The following CACNA2D1 variants were observed in gnomAD, a reference collection of about 807,000 sequenced individuals.
CACNA2D1 encodes the protein calcium voltage-gated channel auxiliary subunit alpha2delta 1, also known as voltage-dependent calcium channel subunit alpha-2/delta-1.
In CACNA2D1, 53 loss-of-function variants were observed where a neutral mutation model predicts 171.5. The observed-to-expected ratio is 0.31, with a 90% confidence interval of 0.25 to 0.39. The LOEUF (loss-of-function observed/expected upper bound fraction) is 0.39, where lower values mean the gene tolerates loss of function less well. CACNA2D1 is among the 10% of genes least tolerant of loss of function. The pLI is 1.00. For synonymous variants in CACNA2D1, 442 were observed against 443.1 expected (o/e 1.00, Z 0.03); for missense variants, 903 against 1,299.8 (o/e 0.69, Z 4.69).
intron 38 of CACNA2D1, among the ~76,000 whole-genome samples, chr7:81,955,775 A>G (rs946559332): frequency 6.6e-6 from 1 of 151,506 alleles, no homozygotes; most frequent in Non-Finnish European, 1.5e-5. Context: ...TTATGCAAAC[A>G]CAATTTATAA....
chr7:82,422,019 C>T (rs2129457384), intron 1 of CACNA2D1, among the ~76,000 whole-genome samples: 1 of 152,164 alleles, frequency 6.6e-6, no homozygotes, highest in Admixed American at 6.5e-5. Flanking sequence ...AAGCTGTTCA[C>T]AAAGAAGAGA....
intron 3 of CACNA2D1, among the ~76,000 whole-genome samples, chr7:82,306,756 A>C (rs1813786357): frequency 6.6e-6 from 1 of 152,182 alleles, no homozygotes; most frequent in South Asian, 2.1e-4. Flanking sequence ...GGACTTTCCA[A>C]GTAAAAGGCT....
chr7:82,026,408 T>C (rs765240656), intron 12 of CACNA2D1, among the ~76,000 whole-genome samples: 5 of 151,770 alleles, frequency 3.3e-5, no homozygotes, highest in African/African-American at 4.8e-5. Context: ...TGTGAACTTA[T>C]TTAAAAAAAG....
intron 3 of CACNA2D1, among the ~76,000 whole-genome samples, chr7:82,178,774 C>T (rs1055372719): frequency 2.6e-5 from 4 of 152,100 alleles, no homozygotes; most frequent in African/African-American, 9.7e-5. Context: ...TAACCTCATG[C>T]TATCATGGCC....
intron 18 of CACNA2D1, among the ~76,000 whole-genome samples, chr7:82,004,769 C>T (rs1358883503): frequency 6.6e-6 from 1 of 152,044 alleles, no homozygotes; most frequent in Non-Finnish European, 1.5e-5. Flanking sequence ...TGAAACAGTT[C>T]ATGAAGAGTG....
intron 24 of CACNA2D1, among the ~76,000 whole-genome samples, chr7:81,976,659 C>T (rs1186469491): frequency 6.6e-6 from 1 of 152,024 alleles, no homozygotes; most frequent in African/African-American, 2.4e-5. Flanking sequence ...TTCAGGCCAG[C>T]CTGGCCAAGA....
At chr7:81,975,507 G>A (rs1795749530) in intron 24 of CACNA2D1, among the ~76,000 whole-genome samples, 1 of 151,990 alleles carries the variant, frequency 6.6e-6, no homozygotes, top group Admixed American at 6.6e-5. Flanking sequence ...TTCAGATATT[G>A]CGGCTGTTCT....
chr7:82,047,400 A>C (rs761325583), intron 10 of CACNA2D1, among the ~76,000 whole-genome samples: 23 of 152,164 alleles, frequency 1.5e-4, no homozygotes, highest in Non-Finnish European at 2.9e-4. Context: ...TACTTGGAAA[A>C]TTCCCTAGTT....
At chr7:81,957,679 T>C (rs943528184) in intron 38 of CACNA2D1, among the ~76,000 whole-genome samples, 3 of 152,070 alleles carry the variant, frequency 2.0e-5, no homozygotes, top group Admixed American at 6.6e-5. Context: ...ACAGTGACCA[T>C]TGCAAATAAG....
At chr7:82,006,652 C>T (rs1434764677) in intron 16 of CACNA2D1, among the ~76,000 whole-genome samples, 1 of 151,994 alleles carries the variant, frequency 6.6e-6, no homozygotes, top group East Asian at 1.9e-4. Flanking sequence ...TGAACCAATC[C>T]TAGTCTGAGC....
At chr7:81,998,347 C>G (rs1798258773) in intron 18 of CACNA2D1, among the ~76,000 whole-genome samples, 1 of 151,942 alleles carries the variant, frequency 6.6e-6, no homozygotes, top group Admixed American at 6.6e-5. Context: ...GTCACTCAAA[C>G]TTTAATAATA....
intron 3 of CACNA2D1, among the ~76,000 whole-genome samples, chr7:82,223,906 A>T (rs76124137): frequency 0.027 from 4,135 of 152,032 alleles, 183 homozygotes; most frequent in African/African-American, 0.095. Context: ...CCCCACTCCA[A>T]TTTCATCTCC....
chr7:82,233,424 T>A (rs1003441331), intron 3 of CACNA2D1, among the ~76,000 whole-genome samples: 31 of 152,296 alleles, frequency 2.0e-4, no homozygotes, highest in Non-Finnish European at 4.4e-4. Flanking sequence ...ATCCCAGAAA[T>A]CATGCTTTTA....
At chr7:82,225,895 A>C (rs370310495) in intron 3 of CACNA2D1, among the ~76,000 whole-genome samples, 1 of 152,196 alleles carries the variant, frequency 6.6e-6, no homozygotes, top group Non-Finnish European at 1.5e-5. Flanking sequence ...CAAATGAAAA[A>C]CTTTATTAGG....
In CACNA2D1 at chr7:82,088,535, T is replaced by C. The variant is rs6952174; in HGVS notation, c.527-3635A>G. On this transcript the variant is annotated intron_variant, in intron 6 of 38. Coordinates refer to ENST00000356860, the MANE Select transcript of CACNA2D1 (RefSeq NM_000722.4). The stretch of plus-strand genomic sequence containing the variant: ...AGACTTTAAAATGCAATTATTATTT[T>C]ATGTCATAATCTTTATTTGAATGTC... 4.7e-3 allele frequency among the ~76,000 whole-genome samples: 713 copies of C among 152,286 alleles called. 7 individuals carry two copies. Among genetic ancestry groups the C allele is most frequent in the African/African-American group, 0.015 (614 of 41,572 alleles).
At chr7:82,115,333 T>A (rs921643793) in intron 6 of CACNA2D1, among the ~76,000 whole-genome samples, 1 of 152,126 alleles carries the variant, frequency 6.6e-6, no homozygotes, top group Non-Finnish European at 1.5e-5. Flanking sequence ...TCTGAACAGT[T>A]AGAATAATGA....
chr7:82,400,046 G>A (rs1236591555), intron 1 of CACNA2D1, among the ~76,000 whole-genome samples: 1 of 151,404 alleles, frequency 6.6e-6, no homozygotes, highest in African/African-American at 2.4e-5. Context: ...GCTCTGTTCT[G>A]TTCCATTGAT....
rs1810477945 is a variant in CACNA2D1 at position 82,284,186 on chromosome 7, T to C, written c.294+50949A>G. On this transcript the variant is annotated intron_variant, in intron 3 of 38. Transcript: ENST00000356860. Reference sequence around the variant, plus strand: ...CAGCCTGGGCAACATAAGAGCCTTCTCCAAAAAAAAAAAGAAAAAAAAGAA... The same window carrying C: ...CAGCCTGGGCAACATAAGAGCCTTCCCCAAAAAAAAAAAGAAAAAAAAGAA... Among the ~76,000 whole-genome samples, 3 of 132,056 alleles carry C rather than the reference T, an allele frequency of 2.3e-5. No homozygotes were observed. The South Asian group carries it at 6.9e-4, about 30-fold the overall frequency. 86.6% of individuals were successfully genotyped at this position (132,056 alleles called of 152,430 possible). A position where few individuals can be genotyped will look rare whatever the true frequency, so the allele number is the denominator to read the frequency against.
At chr7:82,188,405 CT>C (rs1248962683) in intron 3 of CACNA2D1, among the ~76,000 whole-genome samples, 1 of 151,992 alleles carries the variant, frequency 6.6e-6, no homozygotes, top group African/African-American at 2.4e-5. Flanking sequence ...GCATATTTTA[CT>C]TTTTTGGCTG....
Sources: allele counts gnomAD v4.1 joint callset (sites outside exome capture counted in the v4.1 genomes callset), GRCh38; gene constraint gnomAD v4.1.1; transcripts MANE v1.5; gene names NCBI Gene and HGNC (gene_info 2026-07-23, HGNC 2026-07-21).